The following MORC1 variants were observed in gnomAD, a reference collection of about 807,000 sequenced individuals.
MORC1 encodes the protein MORC family CW-type zinc finger 1, also known as MORC family CW-type zinc finger protein 1.
A neutral mutation model predicts 134.9 loss-of-function variants in MORC1; 59 were observed. The ratio of observed to expected loss-of-function variants is 0.44; its 90% CI spans 0.35 to 0.54. MORC1 has a LOEUF of 0.54. MORC1 is among the 20% of genes least tolerant of loss of function. MORC1 has a pLI of 0.00. For missense variants in MORC1, 947 were observed against 1,134.5 expected, an observed-to-expected ratio of 0.83 and a Z score of 2.37; for synonymous variants, 395 against 391.7, an observed-to-expected ratio of 1.01 and a Z score of -0.10.
intron 3 of MORC1, among the ~76,000 whole-genome samples, chr3:109,108,746 A>C (rs2107797493): frequency 6.6e-6 from 1 of 152,226 alleles, no homozygotes; most frequent in South Asian, 2.1e-4. Flanking sequence ...AAATACAAAA[A>C]AAAATTAGCC....
At chr3:108,993,497 T>G (rs1172520726) in intron 21 of MORC1, among the ~76,000 whole-genome samples, 1 of 152,206 alleles carries the variant, frequency 6.6e-6, no homozygotes, top group Non-Finnish European at 1.5e-5. Context: ...GGTTTGCATT[T>G]TGTAAGAGGG....
Position 109,054,878 on chromosome 3 carries a change from CAA to C in MORC1, c.1178_1179del (p.Leu393ArgfsTer9). 1 of 1,594,986 alleles carries C rather than the reference CAA, an allele frequency of 6.3e-7. No individual in the cohort carries two copies. Among genetic ancestry groups the C allele is most frequent in the Non-Finnish European group, 8.5e-7 (1 of 1,175,258 alleles). ...VGSQLKLKSLLGAGVVGIVNI... is the reference protein window; with the variant it reads ...VGSQLKLKSLXGAGVVGIVNI... The stretch of plus-strand genomic sequence containing the variant: ...TTAACAATTCCAACCACGCCTGCGC[CAA>C]GTCTGAGAAAATATATGCATATTTA... On this transcript the variant is annotated frameshift_variant and splice_region_variant, in exon 14 of 28. Coordinates refer to ENST00000232603, the MANE Select transcript of MORC1 (RefSeq NM_014429.4). LOFTEE classifies it high-confidence loss of function.
intron 17 of MORC1, 113 bp from the exon 18 acceptor site, chr3:109,007,204 C>G: frequency 1.4e-6 from 1 of 728,086 alleles, no homozygotes; most frequent in Admixed American, 2.7e-5. Flanking sequence ...GATAGCAAAC[C>G]CTCATGAATA....
intron 11 of MORC1, among the ~76,000 whole-genome samples, chr3:109,060,693 T>G (rs2107682722): frequency 6.6e-6 from 1 of 152,256 alleles, no homozygotes; most frequent in African/African-American, 2.4e-5. Flanking sequence ...GTTCAGGTCA[T>G]TCTGCTTTGC....
intron 8 of MORC1, among the ~76,000 whole-genome samples, chr3:109,072,958 CACACACAT>C (rs1434852098): frequency 0.1 from 4,911 of 47,414 alleles, 256 homozygotes; most frequent in African/African-American, 0.17. Context: ...CACACACACA[CACACACAT>C]ACACACACAC....
intron 20 of MORC1, among the ~76,000 whole-genome samples, chr3:109,000,904 T>C (rs1046751823): frequency 2.6e-5 from 4 of 152,294 alleles, no homozygotes; most frequent in East Asian, 1.9e-4. Flanking sequence ...CCTTCTCTGT[T>C]AGTGGTAATG....
chr3:109,114,417 A>G lies in MORC1; in HGVS notation c.86T>C (p.Phe29Ser). Residue 29 changes from phenylalanine (F) to serine (S), a missense_variant, in exon 2 of 28, where the codon TTT becomes TCT. Around this residue, in one of 3 missense-constraint regions of MORC1, gnomAD observed 214 missense variants for 281.3 expected, o/e 0.76. Transcript: ENST00000232603. ...HANSTTHSFL[F>S]GALAELLDNA... ...GTCCAGCAATTCAGCCAGTGCTCCA[A>G]AAAGGAAACTGTGAGTGGTGCTGAT... The G allele has an allele frequency of 6.2e-7, 1 of 1,613,490 alleles. No homozygotes were observed.
In MORC1 at chr3:109,007,059, G is replaced by C. The variant is rs1257163282; in HGVS notation, c.1737C>G (p.Val579=). ...GTGCTGAAGTTAGGCAGGTGGAAGT[G>C]ACAGTGATTTCGTCCACTGGTATAA... ...PQFIPVDEIT[V]TSTCLTSAHK... Residue 579 remains valine (V), a synonymous_variant, in exon 18 of 28, where the codon GTC becomes GTG. Transcript: ENST00000232603. 8 of 1,612,586 alleles carry C rather than the reference G, an allele frequency of 5.0e-6. No homozygotes were observed. Among genetic ancestry groups the C allele is most frequent in the Non-Finnish European group, 6.8e-6 (8 of 1,179,366 alleles).
At chr3:109,089,657 C>T (rs1950679258) in intron 8 of MORC1, among the ~76,000 whole-genome samples, 1 of 152,056 alleles carries the variant, frequency 6.6e-6, no homozygotes, top group African/African-American at 2.4e-5. Context: ...AAAACATCTA[C>T]AAAAGTTTGA....
At chr3:109,111,902 A>G (rs1402360533) in intron 2 of MORC1, among the ~76,000 whole-genome samples, 1 of 152,196 alleles carries the variant, frequency 6.6e-6, no homozygotes, top group African/African-American at 2.4e-5. Flanking sequence ...CTCCCTATAT[A>G]GACACTCTGG....
chr3:109,066,110 C>T (rs550539785), intron 9 of MORC1, among the ~76,000 whole-genome samples: 3 of 152,094 alleles, frequency 2.0e-5, no homozygotes, highest in East Asian at 1.9e-4. Context: ...ATACCCCAAA[C>T]GTCAGCATCA....
intron 16 of MORC1, among the ~76,000 whole-genome samples, chr3:109,028,092 A>C (rs1383074501): frequency 1.3e-5 from 2 of 152,184 alleles, no homozygotes; most frequent in African/African-American, 4.8e-5. Context: ...GCCTAATAAA[A>C]AATGTGGACA....
At chr3:109,065,519 G>A (rs1358472972) in intron 9 of MORC1, among the ~76,000 whole-genome samples, 5 of 152,074 alleles carry the variant, frequency 3.3e-5, no homozygotes, top group Non-Finnish European at 7.4e-5. Context: ...GTCAAATCTA[G>A]GCTGAGCTGT....
intron 14 of MORC1, among the ~76,000 whole-genome samples, chr3:109,040,403 A>AAAGAAAGAAAAGGAAG (rs1553753628): frequency 7.4e-5 from 1 of 13,558 alleles, no homozygotes; most frequent in African/African-American, 1.7e-4. Context: ...AGAAAGAAAG[A>AAAGAAAGAAAAGGAAG]GAAGGAAGGA....
chr3:109,015,358 G>T (rs987074874), intron 17 of MORC1, among the ~76,000 whole-genome samples: 2 of 152,174 alleles, frequency 1.3e-5, no homozygotes, highest in Admixed American at 1.3e-4. Context: ...ATACCTAGAA[G>T]ATTATACCAT....
intron 8 of MORC1, among the ~76,000 whole-genome samples, chr3:109,078,790 G>A (rs147849592): frequency 2.0e-5 from 3 of 151,666 alleles, no homozygotes; most frequent in Non-Finnish European, 4.4e-5. Flanking sequence ...AGAGAGATGG[G>A]AGAATACATG....
Position 109,099,215 on chromosome 3 carries a change from G to A in MORC1, c.423+143C>T. 5 of 592,866 alleles carry A rather than the reference G, an allele frequency of 8.4e-6. No individual in the cohort carries two copies. In the South Asian group the frequency reaches 1.2e-4, roughly 15 times the overall value. The allele number at this position is 592,866 out of a possible 1,614,324, so 36.7% of individuals were successfully genotyped here. A position where few individuals can be genotyped will look rare whatever the true frequency, so the allele number is the denominator to read the frequency against. The stretch of plus-strand genomic sequence containing the variant: ...GTCTTTGATGTCCCCAGAATGTCTT[G>A]ATACCTTCTCTCCATTTCCCAAACA... On this transcript the variant is annotated intron_variant, in intron 6 of 27. Coordinates refer to ENST00000232603, the MANE Select transcript of MORC1 (RefSeq NM_014429.4).
intron 24 of MORC1, among the ~76,000 whole-genome samples, chr3:108,977,903 A>G (rs1239177943): frequency 6.6e-6 from 1 of 151,994 alleles, no homozygotes; most frequent in African/African-American, 2.4e-5. Flanking sequence ...TTTGAGATGG[A>G]GTCTTGCTCT....
chr3:109,047,580 C>T (rs1214381816), intron 14 of MORC1, among the ~76,000 whole-genome samples: 1 of 151,814 alleles, frequency 6.6e-6, no homozygotes, highest in Non-Finnish European at 1.5e-5. Context: ...ATTTGATGAA[C>T]TCCTGAACCA....
Sources: allele counts gnomAD v4.1 joint callset (sites outside exome capture counted in the v4.1 genomes callset), GRCh38; gene constraint gnomAD v4.1.1; regional missense constraint gnomAD v4.1.1; transcripts MANE v1.5; gene names NCBI Gene and HGNC (gene_info 2026-07-23, HGNC 2026-07-21).